Variants in STOX2 observed in about 807,000 individuals in gnomAD.
STOX2 encodes storkhead-box protein 2.
In STOX2, 28 loss-of-function variants were observed where a neutral mutation model predicts 60.9. That is an observed-to-expected ratio of 0.46 (90% confidence interval 0.34 to 0.63). STOX2 has a LOEUF of 0.63. Ranked by LOEUF, STOX2 falls within the 30% of genes least tolerant of loss-of-function variation. The pLI is 0.01. For synonymous variants in STOX2, 472 were observed against 463.9 expected (o/e 1.02, Z -0.22); for missense variants, 1,024 against 1,187.7 (o/e 0.86, Z 2.03).
chr4:183,908,952 G>C (rs1741701552), intron 1 of STOX2, among the ~76,000 whole-genome samples: 1 of 152,222 alleles, frequency 6.6e-6, no homozygotes, highest in Non-Finnish European at 1.5e-5. Flanking sequence ...TTCTCATGGG[G>C]TTATAGGGTT....
At position 184,009,689 on chromosome 4, in the gene STOX2, C is replaced by G. The variant is rs770894048; in HGVS notation, c.851C>G (p.Ala284Gly). Residue 284 changes from alanine to glycine, a missense_variant, in exon 3 of 4, where the codon GCC becomes GGC. Physicochemically the swap from Ala to Gly is moderately conservative, Grantham distance 60 (BLOSUM62 0). This residue lies in a region of STOX2 where 922 missense variants were observed against 1,058.3 expected (regional missense o/e 0.87). Coordinates refer to ENST00000308497, the MANE Select transcript of STOX2 (RefSeq NM_020225.3). This position sits in a 1 kb window ranked among gnomAD's most constrained non-coding sequence, Gnocchi z 4.0. ...SFKKDKTKQL[A>G]NFSAQFPPEE... is the part of the protein sequence containing the mutation. The stretch of plus-strand genomic sequence containing the variant: ...AAAAAAGACAAGACCAAACAGCTGG[C>G]CAATTTTTCTGCCCAGTTTCCTCCT... The G allele has an allele frequency of 1.9e-6, 3 of 1,613,820 alleles. No individual in the cohort carries two copies. Among genetic ancestry groups the G allele is most frequent in the Non-Finnish European group, 2.5e-6 (3 of 1,179,882 alleles).
At chr4:184,004,471 G>A (rs963395147) in intron 2 of STOX2, among the ~76,000 whole-genome samples, 1 of 152,128 alleles carries the variant, frequency 6.6e-6, no homozygotes, top group African/African-American at 2.4e-5. Flanking sequence ...TTGGTGGCGG[G>A]CGCCTGTAGT....
rs1253734495 is a variant in STOX2, at chr4:184,007,031, AAC to A, written c.320-2125_320-2124del. Among the ~76,000 whole-genome samples, 16 of 73,746 alleles carry A rather than the reference AAC, an allele frequency of 2.2e-4. No homozygotes were observed. In the East Asian group the frequency reaches 2.2e-3, roughly 10 times the overall value. 48.4% of individuals were successfully genotyped at this position (73,746 alleles called of 152,430 possible). A position where few individuals can be genotyped will look rare whatever the true frequency, so the allele number is the denominator to read the frequency against. On this transcript the variant is annotated intron_variant, in intron 2 of 3. Transcript: ENST00000308497. ...ACTCTGTCTCAAAAAAAAAAAAAAA[AAC>A]AAAACAAAAAAAAAATTTTGTTATT...
At chr4:183,936,486 G>A (rs1742596027) in intron 1 of STOX2, among the ~76,000 whole-genome samples, 1 of 151,178 alleles carries the variant, frequency 6.6e-6, no homozygotes, top group Non-Finnish European at 1.5e-5. Context: ...TGTAAGGCCT[G>A]ATAGTATCTT....
intron 1 of STOX2, among the ~76,000 whole-genome samples, chr4:183,859,768 G>GGT: frequency 6.6e-6 from 1 of 152,234 alleles, no homozygotes; most frequent in Non-Finnish European, 1.5e-5. Flanking sequence ...ATGTCACTGG[G>GGT]ATGATCCAAA....
rs1347579311 is a variant in STOX2, at chr4:184,023,291, C to T, written c.*6007C>T. The T allele has an allele frequency of 6.6e-6, 1 of 152,114 alleles. No homozygotes were observed. Among genetic ancestry groups the T allele is most frequent in the Non-Finnish European group, 1.5e-5 (1 of 68,012 alleles). The allele number at this position is 152,114 out of a possible 1,614,324, so 9.4% of individuals were successfully genotyped here. ...CTTCCCTAATGTTACTGATTTATAA[C>T]AGCACATTTGTAACATGGTTTTTAT... On this transcript the variant is annotated 3_prime_UTR_variant, in exon 4 of 4. Transcript: ENST00000308497.
intron 1 of STOX2, among the ~76,000 whole-genome samples, chr4:183,908,353 A>C (rs1386330958): frequency 6.6e-6 from 1 of 152,210 alleles, no homozygotes; most frequent in Non-Finnish European, 1.5e-5. Flanking sequence ...TGCAAACCTA[A>C]CCTCAAAACA....
rs986874847 is a variant in STOX2 at position 183,906,905 on chromosome 4, C to G, written c.115C>G (p.Arg39Gly). The change falls in exon 1 of 4, where the codon CGT (arginine) becomes GGT (glycine). Residue 39 changes from arginine (R) to glycine (G), a missense_variant. By Grantham distance (125) the Arg-to-Gly change is moderately radical. Around this residue, in one of 3 missense-constraint regions of STOX2, gnomAD observed 98 missense variants for 110.2 expected, o/e 0.89. Coordinates refer to ENST00000308497, the MANE Select transcript of STOX2 (RefSeq NM_020225.3). ...CGAGAAGGACTACCGCCTGCACAAGCGTTTCCCCGCGGCCTTCGCGCCCCA... is the reference window on the plus strand; with the variant it reads ...CGAGAAGGACTACCGCCTGCACAAGGGTTTCCCCGCGGCCTTCGCGCCCCA... ...RSEKDYRLHK[R>G]FPAAFAPQAS... is the part of the protein sequence containing the mutation. The G allele has an allele frequency of 3.9e-6, 6 of 1,550,094 alleles. No homozygotes were observed. The highest frequency in any genetic ancestry group is 2.0e-5 in the Admixed American group (1 of 50,940).
At chr4:183,875,328 C>T (rs1256276860) in intron 1 of STOX2, among the ~76,000 whole-genome samples, 1 of 152,090 alleles carries the variant, frequency 6.6e-6, no homozygotes, top group Non-Finnish European at 1.5e-5. Context: ...TGGTGAATAC[C>T]TTGGCTGGGG....
chr4:183,938,396 C>T (rs921295783), intron 1 of STOX2, among the ~76,000 whole-genome samples: 6 of 152,148 alleles, frequency 3.9e-5, no homozygotes, highest in East Asian at 1.9e-4. Context: ...TGGCTGAGCA[C>T]GGTGGCTCAC....
At chr4:183,955,557 C>T (rs1743221809) in intron 1 of STOX2, among the ~76,000 whole-genome samples, 1 of 152,154 alleles carries the variant, frequency 6.6e-6, no homozygotes, top group Non-Finnish European at 1.5e-5. Context: ...GCTTTTAAGG[C>T]TGGCTAACAG....
chr4:183,838,722 C>T (rs926630521), intron 1 of STOX2, among the ~76,000 whole-genome samples: 1 of 152,190 alleles, frequency 6.6e-6, no homozygotes, highest in Admixed American at 6.5e-5. Context: ...CTCTCTGCAG[C>T]CCCCACTTGG....
rs1579499209 is a variant in STOX2, at chr4:183,980,190, A to T, written c.167-21135A>T. ...CTAGCTTTATAAACAAAAATGCATGATCCAACTTCCATGAGGTGATATAGG... is the reference window on the plus strand; with the variant it reads ...CTAGCTTTATAAACAAAAATGCATGTTCCAACTTCCATGAGGTGATATAGG... On this transcript the variant is annotated intron_variant, in intron 1 of 3. Transcript: ENST00000308497. Among the ~76,000 whole-genome samples, 6 of 152,334 alleles carry T rather than the reference A, an allele frequency of 3.9e-5. No homozygotes were observed. In the South Asian group the frequency reaches 1.2e-3, roughly 32 times the overall value.
chr4:183,814,349 AT>A (rs1739102919), intron 1 of STOX2, among the ~76,000 whole-genome samples: 1 of 152,228 alleles, frequency 6.6e-6, no homozygotes, highest in Non-Finnish European at 1.5e-5. Context: ...AAGAATAACA[AT>A]AATTACTGTA....
chr4:183,950,352 A>AGG (rs1224408757), intron 1 of STOX2, among the ~76,000 whole-genome samples: 1 of 152,216 alleles, frequency 6.6e-6, no homozygotes, highest in Non-Finnish European at 1.5e-5. Context: ...GGAGAGAGAG[A>AGG]GAGAGACAGA....
chr4:183,917,738 A>G (rs1055843831), intron 1 of STOX2, among the ~76,000 whole-genome samples: 2 of 152,176 alleles, frequency 1.3e-5, no homozygotes, highest in African/African-American at 4.8e-5. Flanking sequence ...ATTTTTCCTT[A>G]TTTGTGAGAG....
chr4:183,936,750 A>G (rs577349542), intron 1 of STOX2, among the ~76,000 whole-genome samples: 1 of 152,350 alleles, frequency 6.6e-6, no homozygotes, highest in African/African-American at 2.4e-5. Flanking sequence ...TCAGAGGTAT[A>G]CCATGAACAA....
intron 1 of STOX2, among the ~76,000 whole-genome samples, chr4:183,993,049 CTA>C (rs1208431662): frequency 6.6e-6 from 1 of 152,222 alleles, no homozygotes; most frequent in African/African-American, 2.4e-5. Flanking sequence ...TTAGTTGTTC[CTA>C]TCAGAGACGT....
intron 3 of STOX2, among the ~76,000 whole-genome samples, chr4:184,012,602 T>C (rs528449932): frequency 2.0e-5 from 3 of 152,170 alleles, no homozygotes; most frequent in Admixed American, 6.5e-5. Flanking sequence ...TTATTATTAT[T>C]ATCATCATTA....
Sources: gnomAD v4.1 joint callset for allele counts (sites outside exome capture counted in the v4.1 genomes callset) on GRCh38, gnomAD v4.1.1 for gene constraint, gnomAD v4.1.1 regional missense constraint, Gnocchi (gnomAD v3.1) non-coding constraint, MANE v1.5 for transcripts, NCBI Gene and HGNC (gene_info 2026-07-23, HGNC 2026-07-21) for gene names.